SOX5: variants seen among roughly 807,000 people sequenced by gnomAD.
SOX5 encodes SRY-box transcription factor 5.
Under a neutral mutation model 92.0 loss-of-function variants are expected in SOX5, and 9 were observed. That is an observed-to-expected ratio of 0.10 (90% CI 0.06 to 0.17). The LOEUF is 0.17. SOX5 is among the 10% of genes least tolerant of loss of function. The pLI is 1.00. For synonymous variants in SOX5, 344 were observed against 336.3 expected (o/e 1.02, Z -0.25); for missense variants, 642 against 944.5 (o/e 0.68, Z 4.20).
chr12:23,980,666 C>T (rs1283730119), intron 4 of SOX5, among the ~76,000 whole-genome samples: 1 of 152,120 alleles, frequency 6.6e-6, no homozygotes, highest in Non-Finnish European at 1.5e-5. Context: ...AGAGGGGACT[C>T]CCTGCTTCTT....
intron 8 of SOX5, among the ~76,000 whole-genome samples, chr12:23,627,847 AC>A (rs2138313490): frequency 6.6e-6 from 1 of 152,112 alleles, no homozygotes; most frequent in East Asian, 1.9e-4. Flanking sequence ...GAAAAAAAAA[AC>A]ACCTCAAGTC....
intron 1 of SOX5, among the ~76,000 whole-genome samples, chr12:24,398,398 A>G (rs1360588279): frequency 6.6e-6 from 1 of 152,132 alleles, no homozygotes; most frequent in African/African-American, 2.4e-5. Context: ...CAGCTACTCG[A>G]GAGGCTGAGG....
At chr12:23,570,304 G>A (rs578252460) in intron 10 of SOX5, among the ~76,000 whole-genome samples, 1 of 152,252 alleles carries the variant, frequency 6.6e-6, no homozygotes, top group South Asian at 2.1e-4. Flanking sequence ...GATAATACAT[G>A]TGAAAGCAGT....
intron 1 of SOX5, among the ~76,000 whole-genome samples, chr12:24,395,402 A>G (rs1004639087): frequency 1.3e-5 from 2 of 152,214 alleles, no homozygotes; most frequent in Non-Finnish European, 2.9e-5. Flanking sequence ...TTTGACAGAA[A>G]TAATTGGCCA....
intron 2 of SOX5, among the ~76,000 whole-genome samples, chr12:23,861,165 T>C (rs2096753411): frequency 6.6e-6 from 1 of 152,088 alleles, no homozygotes; most frequent in Non-Finnish European, 1.5e-5. Context: ...CGGAAGCAAC[T>C]TTCCCTTAGT....
chr12:24,401,938 AT>A (rs1961808176), intron 1 of SOX5, among the ~76,000 whole-genome samples: 1 of 152,124 alleles, frequency 6.6e-6, no homozygotes, highest in South Asian at 2.1e-4. Flanking sequence ...TGTATTTAGA[AT>A]GTATAACATA....
intron 3 of SOX5, among the ~76,000 whole-genome samples, chr12:24,270,782 T>C (rs559512641): frequency 2.6e-5 from 4 of 152,350 alleles, no homozygotes; most frequent in African/African-American, 9.6e-5. Flanking sequence ...ATAATTTAGT[T>C]GGCCTAGAAT....
chr12:24,051,558 A>G (rs1957565341), intron 4 of SOX5, among the ~76,000 whole-genome samples: 1 of 152,214 alleles, frequency 6.6e-6, no homozygotes, highest in Non-Finnish European at 1.5e-5. Context: ...ATATCTGTTT[A>G]AGTAATTTTT....
chr12:23,563,121 T>G, intron 11 of SOX5, 137 bp downstream of exon 11: 1 of 688,426 alleles, frequency 1.5e-6, no homozygotes. Context: ...CGATGAGGCC[T>G]TCTATATTAA....
At chr12:24,363,998 C>T (rs1181659464) in intron 2 of SOX5, among the ~76,000 whole-genome samples, 1 of 152,150 alleles carries the variant, frequency 6.6e-6, no homozygotes, top group Admixed American at 6.6e-5. Flanking sequence ...GACATGTTTT[C>T]GTCGGCAGGC....
Position 23,534,150 on chromosome 12 carries a change from G to A in SOX5, c.*69C>T. On this transcript the variant is annotated 3_prime_UTR_variant, in exon 15 of 15. Transcript: ENST00000451604. ...GTGTATGAGAAAGTTAATGTGCTTG[G>A]CCACTGGTAAGGATGAACCAGTTAG... 8 of 1,289,642 alleles carry A rather than the reference G, an allele frequency of 6.2e-6. No homozygotes were observed. The highest frequency in any genetic ancestry group is 8.8e-6 in the Non-Finnish European group (8 of 909,522). 79.9% of individuals were successfully genotyped at this position (1,289,642 alleles called of 1,614,324 possible). A position where few individuals can be genotyped will look rare whatever the true frequency, so the allele number is the denominator to read the frequency against.
chr12:23,978,499 G>C (rs1949163169), intron 4 of SOX5, among the ~76,000 whole-genome samples: 1 of 152,190 alleles, frequency 6.6e-6, no homozygotes, highest in African/African-American at 2.4e-5. Flanking sequence ...TCACTGGTTT[G>C]TGCTATATAT....
intron 4 of SOX5, among the ~76,000 whole-genome samples, chr12:24,193,805 C>A (rs991919404): frequency 6.6e-6 from 1 of 152,138 alleles, no homozygotes; most frequent in Non-Finnish European, 1.5e-5. Flanking sequence ...ACACTGCCAA[C>A]GTTTTCAAGA....
At position 24,269,772 on chromosome 12, in the gene SOX5, G is replaced by A. The variant is rs572899470; in HGVS notation, c.-77+7444C>T. Among the ~76,000 whole-genome samples the A allele has an allele frequency of 3.8e-4, 53 of 139,796 alleles. No individual in the cohort carries two copies. The South Asian group carries it at 5.2e-3, about 14-fold the overall frequency. The allele number at this position is 139,796 out of a possible 152,430, so 91.7% of individuals were successfully genotyped here. On this transcript the variant is annotated intron_variant, in intron 3 of 4. Transcript: ENST00000446891. ...CAGCTCACTACAGCCTTGAACTCCC[G>A]GGCTTAAGGTATTCTACTGACTCAG...
Position 24,234,144 on chromosome 12 carries a change from A to G in SOX5, c.-76-20727T>C, listed in dbSNP as rs530014233. 5.3e-5 allele frequency among the ~76,000 whole-genome samples: 8 copies of G among 152,334 alleles called. No homozygotes were observed. In the South Asian group the frequency reaches 1.4e-3, roughly 28 times the overall value. On this transcript the variant is annotated intron_variant, in intron 3 of 4. Coordinates refer to the SOX5 transcript ENST00000446891. ...GGAAAAGAAAGATAATTTTAGTATC[A>G]GTTGAAAGGGTCATGCCAGAGGACC...
chr12:23,866,728 G>A (rs549947523), intron 2 of SOX5, among the ~76,000 whole-genome samples: 2 of 152,056 alleles, frequency 1.3e-5, no homozygotes, highest in Non-Finnish European at 2.9e-5. Flanking sequence ...CCGTCTACTG[G>A]TTTTTCATCC....
intron 1 of SOX5, among the ~76,000 whole-genome samples, chr12:24,440,594 T>TTGTG (rs56082162): frequency 0.055 from 7,634 of 139,558 alleles, 233 homozygotes; most frequent in East Asian, 0.077. Context: ...ACATGATCCT[T>TTGTG]TGTGTGTGTG....
intron 4 of SOX5, among the ~76,000 whole-genome samples, chr12:24,002,474 C>T (rs549106546): frequency 8.0e-5 from 12 of 150,936 alleles, no homozygotes; most frequent in South Asian, 2.1e-4. Context: ...ATGATGAAAG[C>T]GAAAAATTCT....
intron 2 of SOX5, among the ~76,000 whole-genome samples, chr12:23,880,481 T>C (rs1157459822): frequency 3.3e-5 from 5 of 152,204 alleles, no homozygotes; most frequent in Non-Finnish European, 7.3e-5. Context: ...ATATTTCCTA[T>C]ATGTAGATTT....
Sources: allele counts gnomAD v4.1 joint callset (sites outside exome capture counted in the v4.1 genomes callset), GRCh38; gene constraint gnomAD v4.1.1; transcripts MANE v1.5; gene names NCBI Gene and HGNC (gene_info 2026-07-23, HGNC 2026-07-21).